The following LRRC9 variants were observed in gnomAD, a reference collection of about 807,000 sequenced individuals.
The protein encoded by LRRC9 is leucine-rich repeat-containing protein 9.
Under a neutral mutation model 63.2 loss-of-function variants are expected in LRRC9, and 122 were observed. That is an observed-to-expected ratio of 1.93 (90% CI 1.67 to 2.24). LRRC9 has a LOEUF of 2.24. Among genes scored for constraint, LRRC9 ranks in the 30% most tolerant of loss-of-function variants. LRRC9 has a pLI of 0.00. For missense variants in LRRC9, 1,071 were observed against 627.7 expected, an observed-to-expected ratio of 1.71 and a Z score of -7.55; for synonymous variants, 366 against 213.1, an observed-to-expected ratio of 1.72 and a Z score of -6.25.
intron 13 of LRRC9, among the ~76,000 whole-genome samples, chr14:59,976,473 G>A (rs1053408198): frequency 1.3e-5 from 2 of 152,116 alleles, no homozygotes; most frequent in Admixed American, 6.6e-5. Context: ...TAAACGATAC[G>A]TGTTTTGCAG....
intron 29 of LRRC9, among the ~76,000 whole-genome samples, chr14:60,047,670 G>A (rs1256491551): frequency 3.3e-5 from 5 of 152,102 alleles, no homozygotes; most frequent in African/African-American, 1.2e-4. Flanking sequence ...CCTATAAAGA[G>A]ACTTAGACTC....
At chr14:60,054,624 A>G (rs1024114451) in intron 30 of LRRC9, among the ~76,000 whole-genome samples, 3 of 152,226 alleles carry the variant, frequency 2.0e-5, no homozygotes, top group African/African-American at 4.8e-5. Flanking sequence ...CATGTCTCCA[A>G]AAACAACCAA....
intron 29 of LRRC9, among the ~76,000 whole-genome samples, chr14:60,041,522 A>C (rs1234254790): frequency 6.6e-6 from 1 of 152,026 alleles, no homozygotes. Flanking sequence ...CCTTTCTTCC[A>C]CTTGATCAAA....
In LRRC9 at chr14:60,004,657, G is replaced by A. The variant is rs371836907; in HGVS notation, c.2842+859G>A. On this transcript the variant is annotated intron_variant, in intron 21 of 31. Coordinates refer to ENST00000445360, the Ensembl canonical transcript of LRRC9. This position sits in a 1 kb window ranked among gnomAD's most constrained non-coding sequence, Gnocchi z 4.8. ...TCATGAGTTTAGAGAACATGTCCTA[G>A]AATATATACTACTAAGTCAAGTATT... Among the ~76,000 whole-genome samples the A allele has an allele frequency of 6.6e-6, 1 of 151,944 alleles. No individual in the cohort carries two copies. Among genetic ancestry groups the A allele is most frequent in the East Asian group, 1.9e-4 (1 of 5,196 alleles).
chr14:60,060,559 T>C lies in LRRC9; in HGVS notation c.4276+2537T>C, dbSNP rs910455459. Among the ~76,000 whole-genome samples the C allele has an allele frequency of 2.0e-5, 3 of 151,992 alleles. No homozygotes were observed. Among genetic ancestry groups the C allele is most frequent in the Admixed American group, 6.5e-5 (1 of 15,270 alleles). ...ATCGAGACCATCCTGGCTAACACGG[T>C]GAAACCCCGTCTCTACTAAAAATAC... On this transcript the variant is annotated intron_variant, in intron 31 of 31. Coordinates refer to ENST00000445360, the Ensembl canonical transcript of LRRC9. The surrounding 1 kb of genome is among the most constrained non-coding windows in gnomAD (Gnocchi z 4.0).
intron 7 of LRRC9, among the ~76,000 whole-genome samples, chr14:59,939,054 C>CAT (rs35903047): frequency 0.015 from 2,175 of 147,218 alleles, 12 homozygotes; most frequent in Non-Finnish European, 0.024. Flanking sequence ...CATATATACA[C>CAT]ATATATATAC....
At chr14:59,963,005 T>C (rs1884494934) in intron 10 of LRRC9, among the ~76,000 whole-genome samples, 1 of 152,212 alleles carries the variant, frequency 6.6e-6, no homozygotes, top group South Asian at 2.1e-4. Context: ...TTGGCTACTT[T>C]TCCTCTGATC....
chr14:60,009,160 A>T (rs1416014068), intron 23 of LRRC9, among the ~76,000 whole-genome samples: 2 of 152,218 alleles, frequency 1.3e-5, no homozygotes, highest in African/African-American at 4.8e-5. Context: ...TATAGAAATA[A>T]ATGTAGAAAA....
At position 59,964,206 on chromosome 14, in the gene LRRC9, G is replaced by A. The variant is rs1214261745; in HGVS notation, c.1212-2383G>A. Among the ~76,000 whole-genome samples the A allele has an allele frequency of 6.6e-6, 1 of 152,090 alleles. No homozygotes were observed. The highest frequency in any genetic ancestry group is 1.5e-5 in the Non-Finnish European group (1 of 67,986). On this transcript the variant is annotated intron_variant, in intron 10 of 31. Coordinates refer to ENST00000445360, the Ensembl canonical transcript of LRRC9. This position sits in a 1 kb window ranked among gnomAD's most constrained non-coding sequence, Gnocchi z 4.4. ...TGGAAGGTAACAAATGGCTGCAAAG[G>A]CTTTTGTTTTGTTTTATTGGCAGAC...
At chr14:59,997,054 A>G (rs1888873316) in intron 17 of LRRC9, among the ~76,000 whole-genome samples, 1 of 152,146 alleles carries the variant, frequency 6.6e-6, no homozygotes, top group Non-Finnish European at 1.5e-5. Context: ...TACATAAGAA[A>G]AAATATGTGC....
intron 29 of LRRC9, among the ~76,000 whole-genome samples, chr14:60,040,131 G>A (rs1056382354): frequency 6.6e-6 from 1 of 151,880 alleles, no homozygotes; most frequent in East Asian, 1.9e-4. Context: ...CTGAGAGACA[G>A]TTATAATTTC....
intron 10 of LRRC9, among the ~76,000 whole-genome samples, chr14:59,963,476 T>C (rs928682953): frequency 2.0e-5 from 3 of 151,774 alleles, no homozygotes; most frequent in Non-Finnish European, 2.9e-5. Flanking sequence ...CCTGAGAAGC[T>C]GTCAGCCTGG....
chr14:59,940,176 A>G (rs765721773), intron 7 of LRRC9, among the ~76,000 whole-genome samples: 3 of 152,086 alleles, frequency 2.0e-5, no homozygotes. Context: ...AGTTTCTGAC[A>G]TCTTAAATTA....
intron 23 of LRRC9, among the ~76,000 whole-genome samples, chr14:60,015,568 A>C (rs527617099): frequency 6.6e-6 from 1 of 152,238 alleles, no homozygotes; most frequent in Non-Finnish European, 1.5e-5. Context: ...CATGCTCCCC[A>C]CCAGGCCTCC....
chr14:60,044,830 T>C (rs1251203272), intron 29 of LRRC9, among the ~76,000 whole-genome samples: 1 of 152,242 alleles, frequency 6.6e-6, no homozygotes, highest in Non-Finnish European at 1.5e-5. Context: ...TTAACTTTAC[T>C]GTTTCTTTAT....
intron 6 of LRRC9, among the ~76,000 whole-genome samples, chr14:59,933,846 G>C (rs1889908244): frequency 6.6e-6 from 1 of 152,058 alleles, no homozygotes; most frequent in Admixed American, 6.6e-5. Flanking sequence ...GGGTATATTT[G>C]AATAACACCA....
rs1378475760 is a variant in LRRC9 at position 59,936,979 on chromosome 14, A to G, written c.544-1411A>G. 2.0e-5 allele frequency among the ~76,000 whole-genome samples: 3 copies of G among 151,844 alleles called. No individual in the cohort carries two copies. Among genetic ancestry groups the G allele is most frequent in the Non-Finnish European group, 2.9e-5 (2 of 67,932 alleles). Reference sequence around the variant, plus strand: ...CTAGCATTGCATCCTTTCAAGTTTGACCCCACCACAGTACCCTCCTACCTC... The same window carrying G: ...CTAGCATTGCATCCTTTCAAGTTTGGCCCCACCACAGTACCCTCCTACCTC... On this transcript the variant is annotated intron_variant, in intron 6 of 31. Transcript: ENST00000445360. This position sits in a 1 kb window ranked among gnomAD's most constrained non-coding sequence, Gnocchi z 4.2.
In LRRC9 at chr14:59,923,895, C is replaced by G. The variant is rs145721611; in HGVS notation, c.-34+4012C>G. Among the ~76,000 whole-genome samples, 512 of 152,212 alleles carry G rather than the reference C, an allele frequency of 3.4e-3. 17 individuals are homozygous for G. The East Asian group carries it at 0.058, about 17-fold the overall frequency. On this transcript the variant is annotated intron_variant, in intron 1 of 31. Coordinates refer to ENST00000445360, the Ensembl canonical transcript of LRRC9. This position sits in a 1 kb window ranked among gnomAD's most constrained non-coding sequence, Gnocchi z 4.2. The stretch of plus-strand genomic sequence containing the variant: ...GGTGGAGCTTGCAGTGAGCTGAGAT[C>G]GCGCCACTGCACTGTACTCCAGCCT...
intron 17 of LRRC9, among the ~76,000 whole-genome samples, chr14:59,991,706 G>C (rs1218447303): frequency 1.3e-5 from 2 of 152,184 alleles, no homozygotes; most frequent in Admixed American, 6.5e-5. Flanking sequence ...CGCCCATGGA[G>C]CCTCACTCAT....
Sources: allele counts gnomAD v4.1 joint callset (sites outside exome capture counted in the v4.1 genomes callset), GRCh38; gene constraint gnomAD v4.1.1; non-coding constraint Gnocchi (gnomAD v3.1); transcripts MANE v1.5; gene names NCBI Gene and HGNC (gene_info 2026-07-23, HGNC 2026-07-21).